Variants in ZNF536 observed in about 807,000 individuals in gnomAD.
ZNF536 encodes zinc finger protein 536.
Under a neutral mutation model 84.5 loss-of-function variants are expected in ZNF536, and 13 were observed. The ratio of observed to expected loss-of-function variants is 0.15; its 90% CI spans 0.10 to 0.24. ZNF536 has a LOEUF of 0.24. ZNF536 is among the 10% of genes least tolerant of loss of function. The pLI is 1.00. For synonymous variants in ZNF536, 811 were observed against 742.5 expected (o/e 1.09, Z -1.50); for missense variants, 1,536 against 1,747.5 (o/e 0.88, Z 2.16).
chr19:30,659,491 G>T (rs2050040198), intron 1 of ZNF536, among the ~76,000 whole-genome samples: 1 of 151,910 alleles, frequency 6.6e-6, no homozygotes, highest in Non-Finnish European at 1.5e-5. Context: ...TCAAGCTACA[G>T]ATAAAGACAT....
intron 1 of ZNF536, among the ~76,000 whole-genome samples, chr19:30,690,567 T>C (rs1010281861): frequency 2.0e-5 from 3 of 152,176 alleles, no homozygotes; most frequent in African/African-American, 7.2e-5. Context: ...TTCCACTGGA[T>C]TCACTGGCAC....
In ZNF536 at chr19:30,679,778, A is replaced by G. The variant is rs1009558185; in HGVS notation, c.170-30979A>G. 2.6e-5 allele frequency among the ~76,000 whole-genome samples: 4 copies of G among 152,326 alleles called. No individual in the cohort carries two copies. In the East Asian group the frequency reaches 7.7e-4, roughly 29 times the overall value. On this transcript the variant is annotated intron_variant, in intron 1 of 1. Coordinates refer to the ZNF536 transcript ENST00000592773. ...TAACATTTAAAACTCAAGGGATTTCACATAAAAACCTGTTTCTGGCTTCTC... is the reference window on the plus strand; with the variant it reads ...TAACATTTAAAACTCAAGGGATTTCGCATAAAAACCTGTTTCTGGCTTCTC...
In ZNF536 at chr19:30,264,966, T is replaced by TGTGTGTGTGAGAGA. The variant is rs59889852; in HGVS notation, c.-189-19105_-189-19104insTGTGTGTGAGAGAG. ...GTGTGTGTGTGTGTGTGTGTGTGTG[T>TGTGTGTGTGAGAGA]GAGAGAGAGAGAGAGAAAGAGAGAT... is the stretch of plus-strand genomic sequence containing the variant. On this transcript the variant is annotated intron_variant, in intron 1 of 5. Coordinates refer to the ZNF536 transcript ENST00000585628. Among the ~76,000 whole-genome samples the TGTGTGTGTGAGAGA allele has an allele frequency of 2.0e-3, 264 of 133,840 alleles. 2 individuals are homozygous for TGTGTGTGTGAGAGA. In the East Asian group the frequency reaches 0.024, roughly 12 times the overall value. 87.8% of individuals were successfully genotyped at this position (133,840 alleles called of 152,430 possible). A position where few individuals can be genotyped will look rare whatever the true frequency, so the allele number is the denominator to read the frequency against.
At chr19:30,296,919 G>C (rs994023394) in intron 2 of ZNF536, among the ~76,000 whole-genome samples, 1 of 152,116 alleles carries the variant, frequency 6.6e-6, no homozygotes, top group East Asian at 1.9e-4. Flanking sequence ...CTTGGGCCTC[G>C]CCTCCGTATT....
intron 2 of ZNF536, among the ~76,000 whole-genome samples, chr19:30,472,136 G>A (rs1312089198): frequency 6.6e-6 from 1 of 152,174 alleles, no homozygotes; most frequent in African/African-American, 2.4e-5. Context: ...AGGGAGAAGA[G>A]TGTACAGCTG....
chr19:30,645,057 G>A (rs929121609), intron 1 of ZNF536, among the ~76,000 whole-genome samples: 4 of 152,138 alleles, frequency 2.6e-5, no homozygotes, highest in Non-Finnish European at 4.4e-5. Context: ...AATGATGGTC[G>A]TTCTAACTGG....
At chr19:30,462,024 C>A (rs1168658866) in intron 2 of ZNF536, among the ~76,000 whole-genome samples, 1 of 152,178 alleles carries the variant, frequency 6.6e-6, no homozygotes, top group East Asian at 1.9e-4. Flanking sequence ...CTGGTCAGGG[C>A]AGTCCATGGG....
At chr19:30,559,348 A>G (rs565791048), downstream of ZNF536, among the ~76,000 whole-genome samples, 5 of 152,362 alleles carry the variant, frequency 3.3e-5, no homozygotes, top group East Asian at 9.7e-4. Context: ...GTGTGGCCAC[A>G]TTTAGGCAGG....
At chr19:30,563,333 C>T (rs2046238832) in intron 1 of ZNF536, among the ~76,000 whole-genome samples, 1 of 152,126 alleles carries the variant, frequency 6.6e-6, no homozygotes, top group Admixed American at 6.5e-5. Flanking sequence ...TTCAACAAGC[C>T]CATTCTTGCG....
intron 1 of ZNF536, among the ~76,000 whole-genome samples, chr19:30,686,211 T>A (rs2051171951): frequency 6.6e-6 from 1 of 152,074 alleles, no homozygotes; most frequent in Non-Finnish European, 1.5e-5. Context: ...TCTAGCCAGC[T>A]CATTCTGCAG....
In ZNF536 at chr19:30,315,957, G is replaced by A. The variant is rs192415304; in HGVS notation, c.-120+31816G>A. 9.9e-5 allele frequency among the ~76,000 whole-genome samples: 15 copies of A among 152,200 alleles called. No individual in the cohort carries two copies. In the East Asian group the frequency reaches 2.7e-3, roughly 27 times the overall value. The stretch of plus-strand genomic sequence containing the variant: ...GATCAAAACATCAGATACATAGGAG[G>A]TGCACACATTTTTTAACTTCTGTGT... On this transcript the variant is annotated intron_variant, in intron 2 of 5. Transcript: ENST00000585628.
At chr19:30,448,823 C>T (rs773954979) in intron 2 of ZNF536, among the ~76,000 whole-genome samples, 28 of 152,144 alleles carry the variant, frequency 1.8e-4, no homozygotes, top group Non-Finnish European at 3.2e-4. Flanking sequence ...GGATTGGGAA[C>T]GGAGTGGCTG....
chr19:30,476,805 G>A (rs73022855), intron 2 of ZNF536, among the ~76,000 whole-genome samples: 1,952 of 152,226 alleles, frequency 0.013, 21 homozygotes, highest in Non-Finnish European at 0.022. Flanking sequence ...TGTGATTTGC[G>A]AACTTCTCCG....
chr19:30,586,705 G>A (rs948172661), intron 1 of ZNF536, among the ~76,000 whole-genome samples: 10 of 152,122 alleles, frequency 6.6e-5, no homozygotes, highest in African/African-American at 2.4e-4. Flanking sequence ...CCTGCTTTTT[G>A]CCCACCTGTA....
At chr19:30,260,626 C>T (rs1268283457) in intron 1 of ZNF536, among the ~76,000 whole-genome samples, 1 of 152,228 alleles carries the variant, frequency 6.6e-6, no homozygotes, top group African/African-American at 2.4e-5. Context: ...TCATTGGCCA[C>T]TTGCTGTGCT....
At chr19:30,353,521 G>A (rs1197811452) in intron 3 of ZNF536, among the ~76,000 whole-genome samples, 1 of 151,932 alleles carries the variant, frequency 6.6e-6, no homozygotes, top group Non-Finnish European at 1.5e-5. Context: ...ATCAGTGGAT[G>A]AGCAGCCCCC....
chr19:30,376,576 C>T (rs975972999), intron 1 of ZNF536, among the ~76,000 whole-genome samples: 3 of 152,168 alleles, frequency 2.0e-5, no homozygotes, highest in Non-Finnish European at 4.4e-5. Flanking sequence ...ACAGAATGGG[C>T]CAGGGTCTGA....
chr19:30,602,474 A>G (rs762438067), intron 1 of ZNF536, among the ~76,000 whole-genome samples: 2 of 152,204 alleles, frequency 1.3e-5, no homozygotes, highest in African/African-American at 4.8e-5. Context: ...GGAGGCCTTG[A>G]CAAACAGCTT....
intron 2 of ZNF536, among the ~76,000 whole-genome samples, chr19:30,303,951 C>T (rs750076802): frequency 4.6e-5 from 7 of 152,140 alleles, no homozygotes; most frequent in Non-Finnish European, 8.8e-5. Flanking sequence ...GGCAAGCACA[C>T]GTGCCAGGGA....
Sources: allele counts gnomAD v4.1 joint callset (sites outside exome capture counted in the v4.1 genomes callset), GRCh38; gene constraint gnomAD v4.1.1; transcripts MANE v1.5; gene names NCBI Gene and HGNC (gene_info 2026-07-23, HGNC 2026-07-21).